The following TAFA4 variants were observed in gnomAD, a reference collection of about 807,000 sequenced individuals.
TAFA4 encodes the protein chemokine-like protein TAFA-4.
TAFA4 carries 20 observed loss-of-function variants against 21.1 expected under a neutral mutation model. The ratio of observed to expected loss-of-function variants is 0.95; its 90% CI spans 0.67 to 1.38. The LOEUF (loss-of-function observed/expected upper bound fraction) is 1.38, where lower values mean the gene tolerates loss of function less well. Ranked by LOEUF, TAFA4 falls within the 40% of genes most tolerant of loss-of-function variation. TAFA4 has a pLI of 0.00. For synonymous variants in TAFA4, 71 were observed against 67.4 expected, an observed-to-expected ratio of 1.05 and a Z score of -0.26; for missense variants, 211 against 180.9, an observed-to-expected ratio of 1.17 and a Z score of -0.95.
chr3:68,860,362 T>C (rs973955219), intron 3 of TAFA4, among the ~76,000 whole-genome samples: 3 of 152,128 alleles, frequency 2.0e-5, no homozygotes, highest in South Asian at 2.1e-4. Flanking sequence ...AAATCTAGCA[T>C]ACAAATGAAT....
At chr3:68,807,806 CAA>C (rs1245108370) in intron 3 of TAFA4, among the ~76,000 whole-genome samples, 3 of 152,070 alleles carry the variant, frequency 2.0e-5, no homozygotes, top group Non-Finnish European at 4.4e-5. Flanking sequence ...TTAAGTTCAC[CAA>C]CCTAACACAC....
In TAFA4 at chr3:68,740,422, G is replaced by A. The variant is rs1702327829; in HGVS notation, c.287-1223C>T. ...AACCACTTAAAGTCAATTACAAGAAGCCACAGGAACATGGGAGGGCCTGGC... is the reference window on the plus strand; with the variant it reads ...AACCACTTAAAGTCAATTACAAGAAACCACAGGAACATGGGAGGGCCTGGC... On this transcript the variant is annotated intron_variant, in intron 4 of 5. Coordinates refer to ENST00000295569, the MANE Select transcript of TAFA4 (RefSeq NM_182522.5). Among the ~76,000 whole-genome samples the A allele has an allele frequency of 2.0e-5, 3 of 152,162 alleles. No homozygotes were observed. The South Asian group carries it at 6.2e-4, about 31-fold the overall frequency.
At chr3:68,735,117 G>A (rs1702215238) in intron 5 of TAFA4, among the ~76,000 whole-genome samples, 1 of 152,038 alleles carries the variant, frequency 6.6e-6, no homozygotes, top group African/African-American at 2.4e-5. Flanking sequence ...TCTGACTATA[G>A]AGATCAGGGA....
intron 1 of TAFA4, chr3:68,913,568 T>C (rs1384696858): frequency 1.3e-5 from 2 of 152,218 alleles, no homozygotes; most frequent in Non-Finnish European, 1.5e-5. Flanking sequence ...TTTAGCAGAA[T>C]GGTTAAAAGC....
intron 3 of TAFA4, among the ~76,000 whole-genome samples, chr3:68,832,770 T>C (rs921406216): frequency 6.6e-6 from 1 of 152,240 alleles, no homozygotes; most frequent in African/African-American, 2.4e-5. Context: ...TGCCTTTTGT[T>C]CAGATATGCC....
intron 1 of TAFA4, among the ~76,000 whole-genome samples, chr3:68,887,286 C>T (rs557051530): frequency 6.6e-6 from 1 of 152,322 alleles, no homozygotes; most frequent in South Asian, 2.1e-4. Context: ...TCTGTATGTC[C>T]TGCATCCTGG....
At chr3:68,856,169 G>A (rs1705065413) in intron 3 of TAFA4, among the ~76,000 whole-genome samples, 1 of 152,136 alleles carries the variant, frequency 6.6e-6, no homozygotes, top group African/African-American at 2.4e-5. Context: ...ATTCCATGCA[G>A]ATGAACACAA....
chr3:68,855,530 G>C (rs1335107530), intron 3 of TAFA4, among the ~76,000 whole-genome samples: 1 of 152,082 alleles, frequency 6.6e-6, no homozygotes, highest in East Asian at 1.9e-4. Context: ...TGGAAAAACA[G>C]CCGCTGCTGA....
intron 3 of TAFA4, among the ~76,000 whole-genome samples, chr3:68,860,470 G>A (rs2089322321): frequency 6.6e-6 from 1 of 152,088 alleles, no homozygotes; most frequent in Admixed American, 6.6e-5. Flanking sequence ...AATAATCTTA[G>A]TTAGGTAGTG....
intron 1 of TAFA4, among the ~76,000 whole-genome samples, chr3:68,912,123 T>C (rs926149362): frequency 6.6e-6 from 1 of 152,120 alleles, no homozygotes; most frequent in Non-Finnish European, 1.5e-5. Flanking sequence ...TCTGTTATTT[T>C]CCCCATTGTC....
chr3:68,810,324 T>C (rs190727917), intron 3 of TAFA4, among the ~76,000 whole-genome samples: 128 of 151,952 alleles, frequency 8.4e-4, no homozygotes, highest in African/African-American at 2.9e-3. Context: ...GGACAGTGGG[T>C]GCAAGACAGT....
At chr3:68,762,832 G>A (rs892839572) in intron 3 of TAFA4, among the ~76,000 whole-genome samples, 1 of 152,220 alleles carries the variant, frequency 6.6e-6, no homozygotes, top group African/African-American at 2.4e-5. Context: ...TGAGGCCAGG[G>A]ATTCAAGACA....
At chr3:68,736,321 A>G (rs1194075296) in intron 5 of TAFA4, among the ~76,000 whole-genome samples, 1 of 152,116 alleles carries the variant, frequency 6.6e-6, no homozygotes, top group Non-Finnish European at 1.5e-5. Flanking sequence ...AAGAAGCAGT[A>G]GCTGCATCCC....
At chr3:68,765,118 T>C (rs1255167082) in intron 3 of TAFA4, among the ~76,000 whole-genome samples, 1 of 152,128 alleles carries the variant, frequency 6.6e-6, no homozygotes, top group Non-Finnish European at 1.5e-5. Flanking sequence ...AAGATAAAAA[T>C]AAACAAAAGG....
chr3:68,893,114 CTCTCATT>C (rs1181995836), intron 1 of TAFA4, among the ~76,000 whole-genome samples: 2 of 152,072 alleles, frequency 1.3e-5, no homozygotes, highest in Admixed American at 1.3e-4. Context: ...GGAAATTTTC[CTCTCATT>C]TCTCATTTTT....
At chr3:68,783,288 C>T (rs1484043955) in intron 3 of TAFA4, among the ~76,000 whole-genome samples, 1 of 152,032 alleles carries the variant, frequency 6.6e-6, no homozygotes, top group African/African-American at 2.4e-5. Flanking sequence ...GAAAATCAGG[C>T]AAGAAAAAGA....
At chr3:68,749,546 A>G (rs1190088551) in intron 4 of TAFA4, among the ~76,000 whole-genome samples, 5 of 152,238 alleles carry the variant, frequency 3.3e-5, no homozygotes, top group Non-Finnish European at 5.9e-5. Context: ...GCCCTAATGG[A>G]AACATATTCA....
chr3:68,909,539 T>C (rs2089936659), intron 1 of TAFA4, among the ~76,000 whole-genome samples: 1 of 152,018 alleles, frequency 6.6e-6, no homozygotes, highest in South Asian at 2.1e-4. Flanking sequence ...GACTATGAAT[T>C]CCCCGCCTCC....
chr3:68,877,581 G>T (rs926345113), intron 3 of TAFA4, among the ~76,000 whole-genome samples: 1 of 152,068 alleles, frequency 6.6e-6, no homozygotes, highest in East Asian at 1.9e-4. Context: ...AAATAAAAGG[G>T]CTCTCAACAC....
Sources: allele counts gnomAD v4.1 joint callset (sites outside exome capture counted in the v4.1 genomes callset), GRCh38; gene constraint gnomAD v4.1.1; transcripts MANE v1.5; gene names NCBI Gene and HGNC (gene_info 2026-07-23, HGNC 2026-07-21).